Variants in WWC2 observed in about 807,000 individuals in gnomAD.
The protein encoded by WWC2 is protein WWC2.
A neutral mutation model predicts 138.5 loss-of-function variants in WWC2; 101 were observed. That is an observed-to-expected ratio of 0.73 (90% CI 0.62 to 0.86). WWC2 has a LOEUF of 0.86. WWC2 is among the 40% of genes least tolerant of loss of function. WWC2 has a pLI of 0.00. For synonymous variants in WWC2, 558 were observed against 538.4 expected (o/e 1.04, Z -0.50); for missense variants, 1,420 against 1,419.4 (o/e 1.00, Z -0.01).
At chr4:183,209,891 G>A (rs143617212) in intron 4 of WWC2, among the ~76,000 whole-genome samples, 5 of 152,250 alleles carry the variant, frequency 3.3e-5, no homozygotes, top group African/African-American at 4.8e-5. Flanking sequence ...GGTTATTACC[G>A]TGATTTCTCC....
In WWC2 at chr4:183,265,965, G is replaced by A; in HGVS notation, c.2207+14G>A. The A allele has an allele frequency of 1.9e-6, 3 of 1,600,992 alleles. No individual in the cohort carries two copies. The highest frequency in any genetic ancestry group is 2.6e-6 in the Non-Finnish European group (3 of 1,172,354). Reference sequence around the variant, plus strand: ...TACTTCAAAAGTGTAAGTAAAATCAGCGAAGATCAAATTGAGGAACTTAAA... The same window carrying A: ...TACTTCAAAAGTGTAAGTAAAATCAACGAAGATCAAATTGAGGAACTTAAA... On this transcript the variant is annotated intron_variant, in intron 14 of 22. Transcript: ENST00000403733.
Position 183,307,376 on chromosome 4 carries a change from A to T in WWC2, c.3385-4965A>T, listed in dbSNP as rs1458579083. ...CTGGCCTCTACCAAACAATTAAGGA[A>T]AAAAACTTTATCAACTCTCTGCAAT... On this transcript the variant is annotated intron_variant, in intron 21 of 22. Coordinates refer to ENST00000403733, the MANE Select transcript of WWC2 (RefSeq NM_024949.6). Among the ~76,000 whole-genome samples, 3 of 152,206 alleles carry T rather than the reference A, an allele frequency of 2.0e-5. No individual in the cohort carries two copies. In the East Asian group the frequency reaches 5.8e-4, roughly 29 times the overall value.
At chr4:183,173,510 C>T (rs998884345) in intron 1 of WWC2, among the ~76,000 whole-genome samples, 5 of 151,890 alleles carry the variant, frequency 3.3e-5, no homozygotes, top group Non-Finnish European at 7.4e-5. Context: ...TTAGCTTTTG[C>T]GTTTGAGATA....
chr4:183,265,682 A>C lies in WWC2; in HGVS notation c.2040-6A>C, dbSNP rs532146304. On this transcript the variant is annotated splice_polypyrimidine_tract_variant and splice_region_variant and intron_variant, in intron 12 of 22. Coordinates refer to ENST00000403733, the MANE Select transcript of WWC2 (RefSeq NM_024949.6). ...TTAACTGTTCATCTACTCCCTGTCC[A>C]TATAGACCTAGTGAAATGGAAGATG... is the stretch of plus-strand genomic sequence containing the variant. 6.2e-7 allele frequency: 1 copy of C among 1,607,592 alleles called. No individual in the cohort carries two copies. The highest frequency in any genetic ancestry group is 8.5e-7 in the Non-Finnish European group (1 of 1,176,978).
intron 5 of WWC2, chr4:183,240,739 G>A (rs1736589945): frequency 6.6e-6 from 1 of 152,478 alleles, no homozygotes; most frequent in African/African-American, 2.4e-5. Flanking sequence ...CCTGACAGAT[G>A]GCAGGGGAGC....
At chr4:183,135,795 A>T (rs111424127) in intron 1 of WWC2, among the ~76,000 whole-genome samples, 1 of 152,094 alleles carries the variant, frequency 6.6e-6, no homozygotes, top group Non-Finnish European at 1.5e-5. Context: ...TCTTCATTTC[A>T]TTATCATTTT....
At chr4:183,279,055 C>T (rs1737972176) in intron 16 of WWC2, among the ~76,000 whole-genome samples, 1 of 151,988 alleles carries the variant, frequency 6.6e-6, no homozygotes, top group African/African-American at 2.4e-5. Flanking sequence ...CTGTCTTGTG[C>T]CAGTTTTCAA....
In WWC2 at chr4:183,280,875, C is replaced by A. The variant is rs186032528; in HGVS notation, c.2662C>A (p.Pro888Thr). Residue 888 changes from proline to threonine, a missense_variant, in exon 17 of 23, where the codon CCA becomes ACA. By Grantham distance (38) the Pro-to-Thr change is conservative (BLOSUM62 -1). Transcript: ENST00000403733. ...AGAAGAAGAATCAGGACAAGAAGAG[C>A]CAAGGGGCCCAGATGGAGACTGGTT... ...EEEEESGQEE[P>T]RGPDGDWLTM... is the part of the protein sequence containing the mutation. The A allele has an allele frequency of 2.5e-4, 392 of 1,574,828 alleles. 4 individuals are homozygous for A. The Middle Eastern group carries it at 0.011, about 43-fold the overall frequency.
At chr4:183,225,965 G>T (rs1409445146) in intron 4 of WWC2, among the ~76,000 whole-genome samples, 1 of 152,080 alleles carries the variant, frequency 6.6e-6, no homozygotes, top group African/African-American at 2.4e-5. Context: ...TCATAAAGCT[G>T]CCCTTAAAAA....
At chr4:183,134,433 A>G (rs918069305) in intron 1 of WWC2, among the ~76,000 whole-genome samples, 14 of 151,914 alleles carry the variant, frequency 9.2e-5, no homozygotes, top group Non-Finnish European at 1.9e-4. Context: ...CTTTACTTGA[A>G]TCTCATGTTT....
chr4:183,148,150 C>T (rs1275638145), intron 1 of WWC2, among the ~76,000 whole-genome samples: 2 of 152,148 alleles, frequency 1.3e-5, no homozygotes, highest in Admixed American at 6.5e-5. Context: ...TAGGAACGCA[C>T]GTTTTCCCCT....
At chr4:183,269,242 TG>T (rs1737619800) in intron 15 of WWC2, 79 bp downstream of exon 15, 1 of 1,436,720 alleles carries the variant, frequency 7.0e-7, no homozygotes, top group African/African-American at 1.4e-5. Flanking sequence ...GTTGCTATTT[TG>T]CCAGCCCTAG....
intron 1 of WWC2, among the ~76,000 whole-genome samples, chr4:183,150,760 A>G (rs750851908): frequency 1.3e-5 from 2 of 151,908 alleles, no homozygotes; most frequent in East Asian, 1.9e-4. Context: ...ATTCCCACCT[A>G]TGAGTGAGAA....
chr4:183,187,688 C>T (rs140751892), intron 1 of WWC2, among the ~76,000 whole-genome samples: 2,009 of 151,276 alleles, frequency 0.013, 47 homozygotes, highest in African/African-American at 0.044. Flanking sequence ...CTGACCAACA[C>T]GGAGAAACCC....
At chr4:183,282,274 C>T (rs778586872) in intron 17 of WWC2, among the ~76,000 whole-genome samples, 29 of 152,098 alleles carry the variant, frequency 1.9e-4, no homozygotes, top group Non-Finnish European at 3.8e-4. Flanking sequence ...TCTCCCTGCT[C>T]GACTGTGAGT....
intron 2 of WWC2, among the ~76,000 whole-genome samples, chr4:183,204,461 C>T (rs1432695079): frequency 5.9e-5 from 9 of 152,152 alleles, no homozygotes; most frequent in Non-Finnish European, 8.8e-5. Flanking sequence ...ATGGAACCCA[C>T]ACGGCCTTAC....
At chr4:183,167,164 C>G (rs966325967) in intron 1 of WWC2, among the ~76,000 whole-genome samples, 1 of 152,156 alleles carries the variant, frequency 6.6e-6, no homozygotes, top group Non-Finnish European at 1.5e-5. Flanking sequence ...TGTGTGAACT[C>G]TGGTGTTGAT....
chr4:183,180,115 C>T (rs1432604124), intron 1 of WWC2, among the ~76,000 whole-genome samples: 1 of 151,992 alleles, frequency 6.6e-6, no homozygotes, highest in Non-Finnish European at 1.5e-5. Flanking sequence ...ATAAAAGGGG[C>T]AGGATGGTGG....
chr4:183,312,278 A>T, intron 21 of WWC2, 63 bp from the exon 22 acceptor site: 1 of 1,588,232 alleles, frequency 6.3e-7, no homozygotes, highest in Non-Finnish European at 8.6e-7. Context: ...GCTTCATAGG[A>T]TGTCTCCAGG....
Sources: allele counts gnomAD v4.1 joint callset (sites outside exome capture counted in the v4.1 genomes callset), GRCh38; gene constraint gnomAD v4.1.1; transcripts MANE v1.5; gene names NCBI Gene and HGNC (gene_info 2026-07-23, HGNC 2026-07-21).